Variants in DPAGT1 observed in about 807,000 individuals in gnomAD.
The protein encoded by DPAGT1 is dolichyl-phosphate N-acetylglucosaminephosphotransferase 1.
DPAGT1 carries 25 observed loss-of-function variants against 39.3 expected under a neutral mutation model. The ratio of observed to expected loss-of-function variants is 0.64; its 90% CI spans 0.46 to 0.89. The LOEUF (loss-of-function observed/expected upper bound fraction) is 0.89. DPAGT1 is among the 40% of genes least tolerant of loss of function. The pLI, the probability that DPAGT1 is intolerant of heterozygous loss-of-function variation, is 0.00. For synonymous variants in DPAGT1, 193 were observed against 201.4 expected (o/e 0.96, Z 0.36); for missense variants, 381 against 500.6 (o/e 0.76, Z 2.28).
At position 119,098,468 on chromosome 11, in the gene DPAGT1, A is replaced by G. The variant is rs755080683; in HGVS notation, c.663T>C (p.His221=). ...GTATCATGAAGTAGAGGGAAAAGAC[A>G]TGATCATCCCGACAATCACCTTTGG... The part of the protein sequence containing the change: ...VELEGDCRDD[H]VFSLYFMIPF... Residue 221 remains histidine, a synonymous_variant, in exon 5 of 9, where the codon CAT becomes CAC. Coordinates refer to ENST00000354202, the MANE Select transcript of DPAGT1 (RefSeq NM_001382.4). The G allele has an allele frequency of 1.9e-6, 3 of 1,614,206 alleles. No homozygotes were observed. Among genetic ancestry groups the G allele is most frequent in the Non-Finnish European group, 2.5e-6 (3 of 1,180,016 alleles).
Position 119,101,826 on chromosome 11 carries a change from G to T in DPAGT1, c.-171C>A, listed in dbSNP as rs1241593205. The T allele has an allele frequency of 6.7e-7, 1 of 1,496,246 alleles. No homozygotes were observed. Among genetic ancestry groups the T allele is most frequent in the African/African-American group, 1.4e-5 (1 of 72,034 alleles). The allele number at this position is 1,496,246 out of a possible 1,614,324, so 92.7% of individuals were successfully genotyped here. Reference sequence around the variant, plus strand: ...ACTTGAGCCGCCGTCGGGACACCGGGGAACCTCTCTAAGGCAACCTATGTT... The same window carrying T: ...ACTTGAGCCGCCGTCGGGACACCGGTGAACCTCTCTAAGGCAACCTATGTT... On this transcript the variant is annotated 5_prime_UTR_variant, in exon 1 of 9. Coordinates refer to ENST00000354202, the MANE Select transcript of DPAGT1 (RefSeq NM_001382.4).
Position 119,097,191 on chromosome 11 carries a change from A to C in DPAGT1, c.1112T>G (p.Leu371Arg), listed in dbSNP as rs1592225309. The C allele has an allele frequency of 6.2e-7, 1 of 1,614,178 alleles. No individual in the cohort carries two copies. Among genetic ancestry groups the C allele is most frequent in the East Asian group, 2.2e-5 (1 of 44,886 alleles). ...GAGGTTTCTCTCATGTATGGGCCCA[A>C]GGACTTTAAGTAGCAAGTTGATGAG... is the stretch of plus-strand genomic sequence containing the variant. ...MTLINLLLKV[L>R]GPIHERNLTL... Residue 371 changes from leucine to arginine, a missense_variant, in exon 8 of 9, where the codon CTT becomes CGT. Leu to Arg is a moderately radical substitution (Grantham distance 102, BLOSUM62 -2). Coordinates refer to ENST00000354202, the MANE Select transcript of DPAGT1 (RefSeq NM_001382.4). This position sits in a 1 kb window ranked among gnomAD's most constrained non-coding sequence, Gnocchi z 4.6.
downstream of DPAGT1, chr11:119,095,418 C>T (rs1183469823): frequency 6.7e-6 from 10 of 1,495,000 alleles, no homozygotes; most frequent in South Asian, 1.3e-5. Flanking sequence ...ACCGGTGAAG[C>T]ACGACGGCTC....
downstream of DPAGT1, chr11:119,095,096 C>A (rs1181634761): frequency 1.9e-6 from 3 of 1,613,986 alleles, no homozygotes; most frequent in Non-Finnish European, 2.5e-6. Context: ...GATCGTCACG[C>A]CGCCCAGCAG....
At position 119,101,597 on chromosome 11, in the gene DPAGT1, A is replaced by G; in HGVS notation, c.59T>C (p.Leu20Pro). 6.2e-7 allele frequency: 1 copy of G among 1,614,250 alleles called. No individual in the cohort carries two copies. Among genetic ancestry groups the G allele is most frequent in the Non-Finnish European group, 8.5e-7 (1 of 1,180,030 alleles). The change falls in exon 1 of 9, where the codon CTG becomes CCG. Residue 20 changes from leucine (L) to proline (P), a missense_variant. Leu to Pro is a moderately conservative substitution (Grantham distance 98). Coordinates refer to ENST00000354202, the MANE Select transcript of DPAGT1 (RefSeq NM_001382.4). The part of the protein sequence containing the change: ...PLLINLIVSL[L>P]GFVATVTLIP... ...GAGGGTGACTGTGGCCACAAATCCCAGCAGCGAGACGATCAAATTGATCAG... is the reference window on the plus strand; with the variant it reads ...GAGGGTGACTGTGGCCACAAATCCCGGCAGCGAGACGATCAAATTGATCAG...
Position 119,096,749 on chromosome 11 carries a change from T to G in DPAGT1, c.*249A>C. ...ATCCCACCCTATGAGGCTGCAAAGA[T>G]GGGATGGAGAGGGAGAGAGTAGCAA... On this transcript the variant is annotated 3_prime_UTR_variant, in exon 9 of 9. Coordinates refer to ENST00000354202, the MANE Select transcript of DPAGT1 (RefSeq NM_001382.4). The G allele has an allele frequency of 1.7e-6, 1 of 571,672 alleles. No individual in the cohort carries two copies. Among genetic ancestry groups the G allele is most frequent in the Non-Finnish European group, 3.1e-6 (1 of 320,974 alleles). The allele number at this position is 571,672 out of a possible 1,614,324, so 35.4% of individuals were successfully genotyped here.
Position 119,096,631 on chromosome 11 carries a change from G to A in DPAGT1, c.*367C>T, listed in dbSNP as rs150240212. ...TGTCACCGTGGAGCCTGTGTTCCTA[G>A]CCCTGGCCCAAGTTCTATCCCAAAA... On this transcript the variant is annotated 3_prime_UTR_variant, in exon 9 of 9. Transcript: ENST00000354202. 1.5e-5 allele frequency: 6 copies of A among 393,060 alleles called. No homozygotes were observed. Among genetic ancestry groups the A allele is most frequent in the Non-Finnish European group, 2.4e-5 (5 of 211,172 alleles). 24.3% of individuals were successfully genotyped at this position (393,060 alleles called of 1,614,324 possible). A position where few individuals can be genotyped will look rare whatever the true frequency, so the allele number is the denominator to read the frequency against.
chr11:119,100,925 C>A (rs1452945637), intron 2 of DPAGT1, 82 bp from the exon 3 acceptor site: 1 of 1,613,902 alleles, frequency 6.2e-7, no homozygotes, highest in Admixed American at 1.7e-5. Context: ...CTGATAATTT[C>A]TTAGCCCCTC....
chr11:119,097,406 C>G lies in DPAGT1; in HGVS notation c.1005+58G>C. On this transcript the variant is annotated intron_variant, in intron 7 of 8. Transcript: ENST00000354202. The surrounding 1 kb of genome is among the most constrained non-coding windows in gnomAD (Gnocchi z 4.6). ...TTGGATCTGATGTAGGACTAGGTTCCCCATTCCTCAAGGTCAGGATGGCAG... is the reference window on the plus strand; with the variant it reads ...TTGGATCTGATGTAGGACTAGGTTCGCCATTCCTCAAGGTCAGGATGGCAG... The G allele has an allele frequency of 1.2e-6, 2 of 1,612,338 alleles. No homozygotes were observed. The highest frequency in any genetic ancestry group is 1.7e-6 in the Non-Finnish European group (2 of 1,178,394).
chr11:119,094,983 G>C (rs1946365999), downstream of DPAGT1: 2 of 1,612,316 alleles, frequency 1.2e-6, no homozygotes, highest in Non-Finnish European at 8.5e-7. Context: ...TGGGAGGCCT[G>C]GGTGGCCTTC....
chr11:119,095,481 C>A, downstream of DPAGT1: 7 of 1,390,666 alleles, frequency 5.0e-6, no homozygotes, highest in Non-Finnish European at 5.7e-6. Flanking sequence ...GCGCGCGCCG[C>A]GAGGCCGCCT....
At chr11:119,095,587 G>A (rs1946380138), downstream of DPAGT1, 3 of 584,304 alleles carry the variant, frequency 5.1e-6, no homozygotes, top group Admixed American at 3.7e-5. Context: ...TGGGTGTCGC[G>A]GCTCGGCTGA....
At chr11:119,094,852 G>T, downstream of DPAGT1, 1 of 1,155,232 alleles carries the variant, frequency 8.7e-7, no homozygotes, top group African/African-American at 1.6e-5. Context: ...CGGCCCGCTT[G>T]CCCCGCAGTC....
At chr11:119,095,185 C>T (rs1946370065), downstream of DPAGT1, 2 of 1,613,890 alleles carry the variant, frequency 1.2e-6, no homozygotes, top group African/African-American at 1.3e-5. Context: ...TGTCGCGGGC[C>T]GCATTGCCCG....
chr11:119,099,343 G>C lies in DPAGT1; in HGVS notation c.644-856C>G, dbSNP rs139260932. Among the ~76,000 whole-genome samples the C allele has an allele frequency of 8.6e-3, 1,271 of 148,502 alleles. 16 individuals are homozygous for C. The Middle Eastern group carries it at 0.087, about 10-fold the overall frequency. The stretch of plus-strand genomic sequence containing the variant: ...GGAGGCTGAGGCAGGAGAATCGCTT[G>C]AACCTGGGAGGCGGAGGTTGCGGTG... On this transcript the variant is annotated intron_variant, in intron 4 of 8. Coordinates refer to ENST00000354202, the MANE Select transcript of DPAGT1 (RefSeq NM_001382.4).
downstream of DPAGT1, chr11:119,095,498 G>A (rs1385433614): frequency 5.5e-6 from 7 of 1,266,356 alleles, no homozygotes; most frequent in South Asian, 6.2e-5. Context: ...GCCTTTATAA[G>A]CCCCCAGGAC....
chr11:119,095,410 C>A (rs1268440602), downstream of DPAGT1: 1 of 1,514,592 alleles, frequency 6.6e-7, no homozygotes. Context: ...CGAGGTAGAC[C>A]GGTGAAGCAC....
chr11:119,095,023 G>A (rs1340132921), downstream of DPAGT1: 2 of 1,613,258 alleles, frequency 1.2e-6, no homozygotes, highest in Non-Finnish European at 1.7e-6. Flanking sequence ...TCGGCCCCAC[G>A]GTGGCGCTGG....
downstream of DPAGT1, chr11:119,095,057 T>C (rs1230291559): frequency 6.2e-7 from 1 of 1,613,806 alleles, no homozygotes; most frequent in Non-Finnish European, 8.5e-7. Flanking sequence ...CAGCACGGCC[T>C]GGATGTTGGG....
Sources: gnomAD v4.1 joint callset for allele counts (sites outside exome capture counted in the v4.1 genomes callset) on GRCh38, gnomAD v4.1.1 for gene constraint, Gnocchi (gnomAD v3.1) non-coding constraint, MANE v1.5 for transcripts, NCBI Gene and HGNC (gene_info 2026-07-23, HGNC 2026-07-21) for gene names.